Variants in MAP3K21 observed in about 807,000 individuals in gnomAD.
The protein encoded by MAP3K21 is mitogen-activated protein kinase kinase kinase MLK4.
MAP3K21 carries 63 observed loss-of-function variants against 86.1 expected under a neutral mutation model. The ratio of observed to expected loss-of-function variants is 0.73; its 90% confidence interval spans 0.60 to 0.90. The LOEUF (loss-of-function observed/expected upper bound fraction) is 0.90. Ranked by LOEUF, MAP3K21 falls within the 40% of genes least tolerant of loss-of-function variation. The pLI is 0.00. For synonymous variants in MAP3K21, 558 were observed against 564.8 expected (o/e 0.99, Z 0.17); for missense variants, 1,220 against 1,367.7 (o/e 0.89, Z 1.70).
intron 4 of MAP3K21, among the ~76,000 whole-genome samples, chr1:233,356,900 C>G (rs1663369709): frequency 6.6e-6 from 1 of 152,206 alleles, no homozygotes; most frequent in South Asian, 2.1e-4. Flanking sequence ...GCAAACACAT[C>G]TCCAAACTTT....
chr1:233,383,831 A>G lies in MAP3K21; in HGVS notation c.*1120A>G, dbSNP rs1663961775. 1 of 152,206 alleles carries G rather than the reference A, an allele frequency of 6.6e-6. No homozygotes were observed. The highest frequency in any genetic ancestry group is 1.5e-5 in the Non-Finnish European group (1 of 68,036). 9.4% of individuals were successfully genotyped at this position (152,206 alleles called of 1,614,324 possible). ...GTTAGACATCTGTTGAAATAAGCTC[A>G]TATGGTGGAAACGACAACTATATTA... On this transcript the variant is annotated 3_prime_UTR_variant, in exon 10 of 10. Transcript: ENST00000366624.
chr1:233,351,696 CAAAA>C (rs10710526), intron 2 of MAP3K21, among the ~76,000 whole-genome samples: 1 of 117,098 alleles, frequency 8.5e-6, no homozygotes, highest in Non-Finnish European at 1.8e-5. Context: ...GATTCCATCT[CAAAA>C]AAAAAAAAAA....
At chr1:233,348,165 C>T (rs184536397) in intron 2 of MAP3K21, among the ~76,000 whole-genome samples, 140 of 152,284 alleles carry the variant, frequency 9.2e-4, no homozygotes, top group African/African-American at 3.3e-3. Context: ...TCCCTCTCAG[C>T]CCTAGGCAAC....
intron 9 of MAP3K21, among the ~76,000 whole-genome samples, 155 bp downstream of exon 9, chr1:233,379,865 T>C (rs1663881394): frequency 6.6e-6 from 1 of 152,136 alleles, no homozygotes; most frequent in Non-Finnish European, 1.5e-5. Flanking sequence ...CCTTCTCTTA[T>C]TTGATTTTAA....
chr1:233,367,000 G>A (rs1169260950), intron 5 of MAP3K21, among the ~76,000 whole-genome samples: 1 of 152,182 alleles, frequency 6.6e-6, no homozygotes, highest in Non-Finnish European at 1.5e-5. Flanking sequence ...AGAGAAAAAA[G>A]CATGGTCACA....
At chr1:233,382,165 T>C in intron 9 of MAP3K21, 140 bp from the exon 10 acceptor site, 1 of 739,168 alleles carries the variant, frequency 1.4e-6, no homozygotes, top group Admixed American at 2.7e-5. Context: ...TGATCATGCC[T>C]GTGAATGCAT....
At chr1:233,347,947 T>A (rs1300326362) in intron 2 of MAP3K21, among the ~76,000 whole-genome samples, 1 of 126,814 alleles carries the variant, frequency 7.9e-6, no homozygotes, top group Non-Finnish European at 1.7e-5. Flanking sequence ...CCTGCGTTAA[T>A]CATTAAAGTT....
chr1:233,346,718 C>T (rs566558416), intron 2 of MAP3K21, 96 bp downstream of exon 2: 48 of 1,047,550 alleles, frequency 4.6e-5, no homozygotes, highest in South Asian at 6.2e-5. Flanking sequence ...CATAAATAGT[C>T]GAGGCCTTTT....
chr1:233,367,432 C>T (rs76097149), intron 5 of MAP3K21, among the ~76,000 whole-genome samples: 11 of 152,180 alleles, frequency 7.2e-5, no homozygotes, highest in African/African-American at 2.7e-4. Context: ...TCTTGAGAAC[C>T]ATTATTCTAG....
intron 1 of MAP3K21, among the ~76,000 whole-genome samples, chr1:233,336,265 G>A (rs1173901133): frequency 3.3e-5 from 5 of 152,142 alleles, no homozygotes; most frequent in Non-Finnish European, 7.3e-5. Context: ...TTAAGGCTGC[G>A]TATGGTGGCT....
intron 2 of MAP3K21, among the ~76,000 whole-genome samples, chr1:233,349,534 G>C (rs1447107405): frequency 3.9e-5 from 6 of 152,138 alleles, no homozygotes; most frequent in African/African-American, 1.4e-4. Context: ...GGAAAAGAAA[G>C]TTGCTAAAAC....
In MAP3K21 at chr1:233,346,612, G is replaced by A. The variant is rs1486052733; in HGVS notation, c.976G>A (p.Asp326Asn). ...IKSSLFSKGS[D>N]IWSYGVLLWE... is the part of the protein sequence containing the mutation. ...GTCTTCCTTGTTTTCTAAGGGAAGC[G>A]ACATCTGGAGGTGAGCCTTTCCTTT... The change falls in exon 2 of 10, where the codon GAC (aspartate) becomes AAC (asparagine). Residue 326 changes from aspartate (D) to asparagine (N), a missense_variant. This residue lies in a region of MAP3K21 where 89 missense variants were observed against 144.8 expected (regional missense o/e 0.61). Transcript: ENST00000366624. 2.5e-6 allele frequency: 4 copies of A among 1,612,964 alleles called. No individual in the cohort carries two copies. Among genetic ancestry groups the A allele is most frequent in the Non-Finnish European group, 2.5e-6 (3 of 1,179,598 alleles).
chr1:233,331,960 C>T (rs750357491), intron 1 of MAP3K21, among the ~76,000 whole-genome samples: 1 of 152,212 alleles, frequency 6.6e-6, no homozygotes, highest in Non-Finnish European at 1.5e-5. Flanking sequence ...TAACTCCCTT[C>T]TGGATGCAAA....
At chr1:233,376,159 T>A (rs1663792671) in intron 7 of MAP3K21, 93 bp downstream of exon 7, 9 of 1,069,346 alleles carry the variant, frequency 8.4e-6, no homozygotes, top group Admixed American at 2.6e-5. Context: ...AAAAAGCAAG[T>A]AAATTAATAG....
intron 5 of MAP3K21, among the ~76,000 whole-genome samples, chr1:233,365,951 C>A (rs748622085): frequency 1.3e-5 from 2 of 152,124 alleles, no homozygotes; most frequent in Non-Finnish European, 2.9e-5. Flanking sequence ...AAGTGTCCAT[C>A]AATGGATGAA....
intron 1 of MAP3K21, among the ~76,000 whole-genome samples, chr1:233,330,572 C>G (rs1662792278): frequency 6.6e-6 from 1 of 152,126 alleles, no homozygotes; most frequent in South Asian, 2.1e-4. Flanking sequence ...TTCTGCAGAA[C>G]CAGGTATTTT....
rs1395471727 is a variant in MAP3K21 at position 233,378,957 on chromosome 1, C to T, written c.1951C>T (p.Pro651Ser). The change falls in exon 9 of 10, where the codon CCT (proline) becomes TCT (serine). Residue 651 changes from proline to serine, a missense_variant. Around this residue, in one of 5 missense-constraint regions of MAP3K21, gnomAD observed 632 missense variants for 691.3 expected, o/e 0.91. Transcript: ENST00000366624. Reference protein sequence around the residue: ...PGSCEEPKLSPDGLEHRKPKQ... With the variant: ...PGSCEEPKLSSDGLEHRKPKQ... ...GTCCTGTGAAGAGCCAAAACTTTCC[C>T]CTGATGGATTAGAACACAGAAAACC... The T allele has an allele frequency of 3.7e-6, 6 of 1,612,610 alleles. No individual in the cohort carries two copies. Among genetic ancestry groups the T allele is most frequent in the African/African-American group, 1.3e-5 (1 of 74,782 alleles).
chr1:233,371,960 T>C (rs1053114220), intron 5 of MAP3K21, 78 bp from the exon 6 acceptor site: 13 of 1,432,298 alleles, frequency 9.1e-6, no homozygotes, highest in African/African-American at 8.6e-5. Flanking sequence ...TTTGTTTTTA[T>C]TGCTGTGTGC....
intron 5 of MAP3K21, among the ~76,000 whole-genome samples, chr1:233,371,502 A>G (rs1410328332): frequency 6.6e-6 from 1 of 152,166 alleles, no homozygotes; most frequent in Non-Finnish European, 1.5e-5. Flanking sequence ...CTGGGATTAC[A>G]GATGTGTGCC....
Sources: gnomAD v4.1 joint callset for allele counts (sites outside exome capture counted in the v4.1 genomes callset) on GRCh38, gnomAD v4.1.1 for gene constraint, gnomAD v4.1.1 regional missense constraint, MANE v1.5 for transcripts, NCBI Gene and HGNC (gene_info 2026-07-23, HGNC 2026-07-21) for gene names.